The following ATG7 variants were observed in gnomAD, a reference collection of about 807,000 sequenced individuals.
The protein encoded by ATG7 is ubiquitin-like modifier-activating enzyme ATG7.
In ATG7, 70 loss-of-function variants were observed where a neutral mutation model predicts 82.4. That is an observed-to-expected ratio of 0.85 (90% confidence interval 0.70 to 1.04). The LOEUF (loss-of-function observed/expected upper bound fraction) is 1.04, where lower values mean the gene tolerates loss of function less well. Among genes scored for constraint, ATG7 ranks in the 50% least tolerant of loss-of-function variants. The pLI, the probability that ATG7 is intolerant of heterozygous loss-of-function variation, is 0.00. For missense variants in ATG7, 792 were observed against 864.3 expected, an observed-to-expected ratio of 0.92 and a Z score of 1.05; for synonymous variants, 287 against 313.0, an observed-to-expected ratio of 0.92 and a Z score of 0.88.
At chr3:11,512,068 C>T (rs2092092452) in intron 20 of ATG7, among the ~76,000 whole-genome samples, 1 of 152,212 alleles carries the variant, frequency 6.6e-6, no homozygotes, top group African/African-American at 2.4e-5. Context: ...GGCTGAAGGG[C>T]TCCTCAAATG....
chr3:11,308,818 G>T (rs981822105), intron 6 of ATG7, 166 bp from the exon 7 acceptor site: 3 of 656,602 alleles, frequency 4.6e-6, no homozygotes, highest in Non-Finnish European at 8.1e-6. Context: ...GAGAGGCAGT[G>T]TGAAGTCGGC....
intron 20 of ATG7, among the ~76,000 whole-genome samples, chr3:11,506,587 C>CAAAAAAAAAAAAAAAAAAAA (rs1275955326): frequency 8.4e-6 from 1 of 119,514 alleles, no homozygotes; most frequent in African/African-American, 3.5e-5. Context: ...AAAAAAAACC[C>CAAAAAAAAAAAAAAAAAAAA]AAAAATTAGC....
chr3:11,444,548 G>A (rs1418723015), intron 20 of ATG7, among the ~76,000 whole-genome samples: 3 of 152,038 alleles, frequency 2.0e-5, no homozygotes, highest in Non-Finnish European at 4.4e-5. Flanking sequence ...AGAATTGTTG[G>A]GTCGTAGAAA....
At chr3:11,463,113 G>A (rs1315948803) in intron 20 of ATG7, among the ~76,000 whole-genome samples, 1 of 152,048 alleles carries the variant, frequency 6.6e-6, no homozygotes, top group Non-Finnish European at 1.5e-5. Context: ...TCAAACTCCT[G>A]ATCTCAGGTG....
In ATG7 at chr3:11,479,035, C is replaced by CACACAA. The variant is rs2088614315; in HGVS notation, c.2079+52110_2079+52115dup. On this transcript the variant is annotated intron_variant, in intron 20 of 20. Transcript: ENST00000693202. ...ACACACACACACACACACACACACA[C>CACACAA]ACACAATTTTTTACTTTGTGGATAC... Among the ~76,000 whole-genome samples the CACACAA allele has an allele frequency of 3.3e-5, 5 of 149,294 alleles. No individual in the cohort carries two copies. In the South Asian group the frequency reaches 1.1e-3, roughly 31 times the overall value.
rs1329692870 is a variant in ATG7 at position 11,333,025 on chromosome 3, A to AG, written c.826dup (p.Ala276GlyfsTer20). 5.7e-6 allele frequency: 9 copies of AG among 1,576,580 alleles called. No homozygotes were observed. Among genetic ancestry groups the AG allele is most frequent in the East Asian group, 4.8e-5 (2 of 41,796 alleles). The stretch of plus-strand genomic sequence containing the variant: ...GTTTGCTTCCGTGACCGTACCATGC[A>AG]GGGGGCGAGAGACGTTGCCCACAGC... On this transcript the variant is annotated frameshift_variant, in exon 11 of 21. Transcript: ENST00000693202. LOFTEE classifies it high-confidence loss of function.
chr3:11,480,580 C>CA (rs149434069), intron 20 of ATG7, among the ~76,000 whole-genome samples: 6,607 of 152,100 alleles, frequency 0.043, 185 homozygotes, highest in Non-Finnish European at 0.07. Context: ...AAGAAACAGA[C>CA]AAAAAAACCT....
intron 3 of ATG7, among the ~76,000 whole-genome samples, chr3:11,283,108 C>T (rs921226): frequency 0.2 from 31,113 of 152,182 alleles, 3,566 homozygotes; most frequent in South Asian, 0.36. Context: ...TCAGAGAAAT[C>T]GGACACTGAG....
At chr3:11,371,533 C>A (rs771170454) in intron 18 of ATG7, among the ~76,000 whole-genome samples, 3 of 150,756 alleles carry the variant, frequency 2.0e-5, no homozygotes, top group East Asian at 3.9e-4. Flanking sequence ...GGATTTGAGT[C>A]GTTTGGTCTT....
At chr3:11,371,655 G>A (rs542451235) in intron 18 of ATG7, among the ~76,000 whole-genome samples, 1 of 151,002 alleles carries the variant, frequency 6.6e-6, no homozygotes, top group Non-Finnish European at 1.5e-5. Context: ...GCCACTGAGC[G>A]AAAACCTCCA....
rs563179887 is a variant in ATG7 at position 11,294,831 on chromosome 3, A to G, written c.-10-3855A>G. Among the ~76,000 whole-genome samples the G allele has an allele frequency of 2.6e-5, 4 of 152,228 alleles. No homozygotes were observed. In the South Asian group the frequency reaches 8.3e-4, roughly 32 times the overall value. On this transcript the variant is annotated intron_variant, in intron 3 of 20. Coordinates refer to ENST00000693202, the MANE Select transcript of ATG7 (RefSeq NM_001349232.2). ...ATCCTCATTTTTTAATAAGTGCTCA[A>G]AGGCCGGGAGCAGTGGCTCACACTT... is the stretch of plus-strand genomic sequence containing the variant.
intron 20 of ATG7, among the ~76,000 whole-genome samples, chr3:11,460,341 T>C (rs1457927374): frequency 6.6e-6 from 1 of 152,224 alleles, no homozygotes; most frequent in Non-Finnish European, 1.5e-5. Context: ...CCAAATCAGC[T>C]TCTCTTGTGT....
intron 14 of ATG7, among the ~76,000 whole-genome samples, chr3:11,354,267 G>A (rs9849485): frequency 0.55 from 84,167 of 151,910 alleles, 23,690 homozygotes; most frequent in Non-Finnish European, 0.62. Context: ...CTCTGCTACA[G>A]ATACCACACC....
intron 20 of ATG7, among the ~76,000 whole-genome samples, chr3:11,535,889 A>G (rs1314656061): frequency 6.6e-6 from 1 of 152,212 alleles, no homozygotes; most frequent in Non-Finnish European, 1.5e-5. Context: ...AGATCCCCTA[A>G]AACAGGAGCC....
intron 20 of ATG7, chr3:11,477,010 C>T: frequency 9.7e-7 from 1 of 1,026,084 alleles, no homozygotes; most frequent in Non-Finnish European, 1.3e-6. Context: ...ACAGTGTTTT[C>T]CGATGGCAGT....
At chr3:11,445,905 G>A (rs556535856) in intron 20 of ATG7, among the ~76,000 whole-genome samples, 39 of 152,104 alleles carry the variant, frequency 2.6e-4, no homozygotes, top group Non-Finnish European at 4.6e-4. Flanking sequence ...GATGTTAAAC[G>A]TCTTATGTAT....
At chr3:11,511,105 A>G (rs893585507) in intron 20 of ATG7, among the ~76,000 whole-genome samples, 4 of 152,174 alleles carry the variant, frequency 2.6e-5, no homozygotes, top group Non-Finnish European at 5.9e-5. Context: ...GCGTGGACCC[A>G]AAGAGTGAGC....
chr3:11,545,873 C>T (rs1292355769), intron 20 of ATG7, among the ~76,000 whole-genome samples: 1 of 152,160 alleles, frequency 6.6e-6, no homozygotes, highest in Non-Finnish European at 1.5e-5. Flanking sequence ...ACCCCCATAC[C>T]CCCATTGTTT....
chr3:11,303,743 T>C (rs1947205798), intron 5 of ATG7, among the ~76,000 whole-genome samples: 1 of 151,206 alleles, frequency 6.6e-6, no homozygotes, highest in South Asian at 2.1e-4. Context: ...TTCTGTGGGT[T>C]TCTTTCCCTT....
Sources: allele counts gnomAD v4.1 joint callset (sites outside exome capture counted in the v4.1 genomes callset), GRCh38; gene constraint gnomAD v4.1.1; transcripts MANE v1.5; gene names NCBI Gene and HGNC (gene_info 2026-07-23, HGNC 2026-07-21).